The following DNAH7 variants were observed in gnomAD, a reference collection of about 807,000 sequenced individuals.
DNAH7 encodes dynein axonemal heavy chain 7.
In DNAH7, 397 loss-of-function variants were observed where a neutral mutation model predicts 444.6. That is an observed-to-expected ratio of 0.89 (90% CI 0.82 to 0.97). The LOEUF is 0.97. DNAH7 is among the 50% of genes least tolerant of loss of function. The pLI, the probability that DNAH7 is intolerant of heterozygous loss-of-function variation, is 0.00. For missense variants in DNAH7, 4,902 were observed against 4,800.8 expected, an observed-to-expected ratio of 1.02 and a Z score of -0.62; for synonymous variants, 1,636 against 1,624.4, an observed-to-expected ratio of 1.01 and a Z score of -0.17.
At chr2:195,876,465 CCCCAGGATAT>C (rs1460843925) in intron 37 of DNAH7, 69 bp downstream of exon 37, 2 of 1,365,904 alleles carry the variant, frequency 1.5e-6, no homozygotes, top group African/African-American at 3.0e-5. Flanking sequence ...AGATGTCTCT[CCCCAGGATAT>C]TTGGTTTCCT....
intron 24 of DNAH7, among the ~76,000 whole-genome samples, chr2:195,917,557 C>G (rs953381586): frequency 2.0e-5 from 3 of 152,212 alleles, no homozygotes; most frequent in African/African-American, 7.2e-5. Flanking sequence ...CCTTTTGTTT[C>G]TGCTTCAGAG....
intron 5 of DNAH7, among the ~76,000 whole-genome samples, chr2:196,037,035 C>T (rs1185009666): frequency 6.6e-6 from 1 of 152,132 alleles, no homozygotes; most frequent in Non-Finnish European, 1.5e-5. Flanking sequence ...CACCTAGGGA[C>T]CTAAGGACTA....
At chr2:196,066,155 T>C (rs1698416343) in intron 1 of DNAH7, among the ~76,000 whole-genome samples, 1 of 152,256 alleles carries the variant, frequency 6.6e-6, no homozygotes, top group Admixed American at 6.5e-5. Context: ...AGAGATGTCA[T>C]AAACCTGGGA....
At chr2:195,828,609 TA>T (rs199951646) in intron 48 of DNAH7, among the ~76,000 whole-genome samples, 4,058 of 103,334 alleles carry the variant, frequency 0.039, 55 homozygotes, top group African/African-American at 0.062. Context: ...TATATATATA[TA>T]TTTTTTTTTT....
chr2:195,995,436 C>A, intron 12 of DNAH7: 1 of 429,784 alleles, frequency 2.3e-6, no homozygotes, highest in South Asian at 1.9e-5. Context: ...AGTTTTAGGA[C>A]TATCTGGACT....
intron 17 of DNAH7, among the ~76,000 whole-genome samples, chr2:195,964,693 C>A (rs1289634000): frequency 7.4e-6 from 1 of 135,636 alleles, no homozygotes; most frequent in Non-Finnish European, 1.6e-5. Context: ...GGTAACACCC[C>A]ATCTCTACTA....
intron 1 of DNAH7, among the ~76,000 whole-genome samples, chr2:196,062,809 G>T (rs1203076693): frequency 3.3e-5 from 5 of 152,166 alleles, no homozygotes; most frequent in African/African-American, 1.2e-4. Context: ...TTCAAATAAA[G>T]AATGTTTACT....
chr2:195,771,265 AGG>A (rs1694826569), intron 61 of DNAH7, among the ~76,000 whole-genome samples: 2 of 152,118 alleles, frequency 1.3e-5, no homozygotes, highest in Admixed American at 6.5e-5. Context: ...CCTTGAGCCC[AGG>A]GGTTCATGGC....
At chr2:195,811,294 G>A (rs1451685256) in intron 51 of DNAH7, among the ~76,000 whole-genome samples, 1 of 152,188 alleles carries the variant, frequency 6.6e-6, no homozygotes, top group Non-Finnish European at 1.5e-5. Context: ...CAAAGATGCA[G>A]ACACTTATAT....
At chr2:196,046,045 C>T (rs1697101529) in intron 5 of DNAH7, among the ~76,000 whole-genome samples, 1 of 151,970 alleles carries the variant, frequency 6.6e-6, no homozygotes, top group South Asian at 2.1e-4. Context: ...AAATAGACTT[C>T]TGTTTCTTAC....
At chr2:196,019,445 A>G in intron 8 of DNAH7, 150 bp from the exon 9 acceptor site, 1 of 534,644 alleles carries the variant, frequency 1.9e-6, no homozygotes, top group African/African-American at 2.0e-5. Flanking sequence ...TTTAAAATAT[A>G]TAAAGATCAT....
At chr2:195,838,379 G>GA (rs1263568280) in intron 47 of DNAH7, among the ~76,000 whole-genome samples, 2 of 151,540 alleles carry the variant, frequency 1.3e-5, no homozygotes, top group African/African-American at 2.4e-5. Context: ...GAAATTACCA[G>GA]AAAAAACTTT....
intron 54 of DNAH7, among the ~76,000 whole-genome samples, chr2:195,803,668 C>T (rs888764599): frequency 6.6e-6 from 1 of 152,170 alleles, no homozygotes; most frequent in Non-Finnish European, 1.5e-5. Context: ...CTGCGGTCTT[C>T]TATGTATGTT....
chr2:195,804,378 T>A (rs1047442292), intron 54 of DNAH7, among the ~76,000 whole-genome samples: 1 of 152,218 alleles, frequency 6.6e-6, no homozygotes, highest in African/African-American at 2.4e-5. Flanking sequence ...ATTAAAGGGT[T>A]TGAAGCTACT....
chr2:196,042,515 CAAACTACGCAATAAAA>C (rs529621286), intron 5 of DNAH7, among the ~76,000 whole-genome samples: 103 of 151,808 alleles, frequency 6.8e-4, no homozygotes, highest in Non-Finnish European at 1.3e-3. Context: ...ACAGCAGCAG[CAAACTACGCAATAAAA>C]AAAGGGCCAA....
At chr2:196,045,785 T>TA (rs1697082284) in intron 5 of DNAH7, among the ~76,000 whole-genome samples, 1 of 150,212 alleles carries the variant, frequency 6.7e-6, no homozygotes, top group Non-Finnish European at 1.5e-5. Context: ...TCTAAACCAA[T>TA]AAAAATAAAG....
chr2:195,897,702 G>A lies in DNAH7; in HGVS notation c.4612C>T (p.Pro1538Ser). ...GGTAAATCATGGGATAAAAATTTTG[G>A]CAGATTTACATCAATGATAGATCTA... Reference protein sequence around the residue: ...LLRSIIDVNLPKFLSHDLPLF... With the variant: ...LLRSIIDVNLSKFLSHDLPLF... Residue 1538 changes from proline to serine, a missense_variant, in exon 29 of 65, where the codon CCA becomes TCA. Coordinates refer to ENST00000312428, the MANE Select transcript of DNAH7 (RefSeq NM_018897.3). The A allele has an allele frequency of 6.2e-7, 1 of 1,601,640 alleles. No homozygotes were observed. Among genetic ancestry groups the A allele is most frequent in the Non-Finnish European group, 8.5e-7 (1 of 1,173,806 alleles).
chr2:196,019,351 C>T (rs1028125980), intron 8 of DNAH7, 56 bp from the exon 9 acceptor site: 2 of 1,349,902 alleles, frequency 1.5e-6, no homozygotes, highest in Non-Finnish European at 2.0e-6. Context: ...TTTATAGTAA[C>T]TGTACATTTT....
At position 195,906,716 on chromosome 2, in the gene DNAH7, G is replaced by C. The variant is rs1204173647; in HGVS notation, c.4278C>G (p.Val1426=). 2 of 1,613,214 alleles carry C rather than the reference G, an allele frequency of 1.2e-6. No homozygotes were observed. Among genetic ancestry groups the C allele is most frequent in the Non-Finnish European group, 1.7e-6 (2 of 1,179,556 alleles). ...CATACCCAGGGTTCATTGTTATAAA[G>C]ACAGCACATGTGGGGTCAAGTTTTA... ...TELKLDPTCA[V]FITMNPGYAG... Residue 1426 remains valine, a synonymous_variant, in exon 27 of 65, where the codon GTC becomes GTG. Coordinates refer to ENST00000312428, the MANE Select transcript of DNAH7 (RefSeq NM_018897.3).
Sources: allele counts gnomAD v4.1 joint callset (sites outside exome capture counted in the v4.1 genomes callset), GRCh38; gene constraint gnomAD v4.1.1; transcripts MANE v1.5; gene names NCBI Gene and HGNC (gene_info 2026-07-23, HGNC 2026-07-21).